The following TRPS1 variants were observed in gnomAD, a reference collection of about 807,000 sequenced individuals.
TRPS1 encodes zinc finger transcription factor Trps1.
TRPS1 carries 6 observed loss-of-function variants against 101.2 expected under a neutral mutation model. The observed-to-expected ratio is 0.06, with a 90% CI of 0.03 to 0.12. TRPS1 has a LOEUF of 0.12. Among genes scored for constraint, TRPS1 ranks in the 10% least tolerant of loss-of-function variants. The pLI is 1.00. For missense variants in TRPS1, 1,363 were observed against 1,567.0 expected (o/e 0.87, Z 2.20); for synonymous variants, 578 against 589.8 (o/e 0.98, Z 0.29).
At chr8:115,478,179 C>T (rs534177791) in intron 5 of TRPS1, among the ~76,000 whole-genome samples, 5 of 152,292 alleles carry the variant, frequency 3.3e-5, no homozygotes, top group South Asian at 2.1e-4. Context: ...AAAGTACTCA[C>T]TAGCCTACAC....
intron 1 of TRPS1, among the ~76,000 whole-genome samples, chr8:115,640,834 T>A (rs1818879048): frequency 6.6e-6 from 1 of 152,206 alleles, no homozygotes; most frequent in African/African-American, 2.4e-5. Context: ...GTTCAAGATG[T>A]AACACTCTCA....
At chr8:115,535,337 GCATATATATAGCATATACATAGCA>G (rs1816281467) in intron 5 of TRPS1, among the ~76,000 whole-genome samples, 4 of 97,512 alleles carry the variant, frequency 4.1e-5, no homozygotes, top group Non-Finnish European at 7.0e-5. Context: ...CATATATAGC[GCATATATATAGCATATACATAGCA>G]CATATATATA....
At chr8:115,472,864 G>A (rs560302271) in intron 5 of TRPS1, among the ~76,000 whole-genome samples, 3 of 152,222 alleles carry the variant, frequency 2.0e-5, no homozygotes, top group African/African-American at 7.2e-5. Flanking sequence ...CTAAAACACA[G>A]CAAGAGTCAC....
intron 3 of TRPS1, among the ~76,000 whole-genome samples, chr8:115,614,794 A>G (rs1055002025): frequency 1.1e-4 from 17 of 152,242 alleles, no homozygotes; most frequent in African/African-American, 4.1e-4. Context: ...TGCCAAGGCA[A>G]AAAATAAATG....
chr8:115,462,731 C>T (rs1203515725), intron 5 of TRPS1, among the ~76,000 whole-genome samples: 1 of 148,966 alleles, frequency 6.7e-6, no homozygotes, highest in Non-Finnish European at 1.5e-5. Flanking sequence ...ATCACTAGGG[C>T]TCTGTATTTT....
chr8:115,501,806 C>G (rs535887186), intron 5 of TRPS1, among the ~76,000 whole-genome samples: 15 of 152,170 alleles, frequency 9.9e-5, no homozygotes, highest in African/African-American at 3.6e-4. Context: ...TCTATGAAAC[C>G]CACCCCTATC....
At chr8:115,436,454 T>C (rs922425717) in intron 5 of TRPS1, among the ~76,000 whole-genome samples, 1 of 152,180 alleles carries the variant, frequency 6.6e-6, no homozygotes, top group Admixed American at 6.5e-5. Flanking sequence ...TTGGGCAAAC[T>C]TGGGTCATGT....
At chr8:115,455,046 G>A (rs1034238978) in intron 5 of TRPS1, among the ~76,000 whole-genome samples, 5 of 152,254 alleles carry the variant, frequency 3.3e-5, no homozygotes, top group South Asian at 2.1e-4. Flanking sequence ...AAGAGTTTGA[G>A]GATTCATTAC....
At chr8:115,517,666 A>G (rs1200091218) in intron 5 of TRPS1, among the ~76,000 whole-genome samples, 2 of 151,774 alleles carry the variant, frequency 1.3e-5, no homozygotes, top group African/African-American at 2.4e-5. Context: ...ATCAAAGAAA[A>G]TAACTTTAAA....
At chr8:115,463,856 A>G (rs1489410618) in intron 5 of TRPS1, among the ~76,000 whole-genome samples, 2 of 151,908 alleles carry the variant, frequency 1.3e-5, no homozygotes, top group Non-Finnish European at 2.9e-5. Flanking sequence ...TATAAAGTAC[A>G]TGTTTTAGAT....
chr8:115,434,981 T>A (rs117579114), intron 5 of TRPS1, among the ~76,000 whole-genome samples: 236 of 152,352 alleles, frequency 1.5e-3, no homozygotes, highest in Non-Finnish European at 2.9e-3. Context: ...TTCATCACTA[T>A]AACACATCGA....
At position 115,619,971 on chromosome 8, in the gene TRPS1, C is replaced by A. The variant is rs2130533969; in HGVS notation, c.127G>T (p.Val43Leu). 1 of 1,614,176 alleles carries A rather than the reference C, an allele frequency of 6.2e-7. No homozygotes were observed. Among genetic ancestry groups the A allele is most frequent in the South Asian group, 1.1e-5 (1 of 91,084 alleles). Residue 43 changes from valine (V) to leucine (L), a missense_variant, in exon 3 of 7, where the codon GTA (valine) becomes TTA (leucine). Physicochemically the swap from Val to Leu is conservative, Grantham distance 32. This residue lies in a region of TRPS1 where 1,020 missense variants were observed against 1,073.0 expected (regional missense o/e 0.95). Transcript: ENST00000395715. Reference protein sequence around the residue: ...ILEPIGTESKVSGKNKEFSAD... With the variant: ...ILEPIGTESKLSGKNKEFSAD... ...GAAAATTCTTTGTTCTTTCCAGATA[C>A]CTTGCTTTCTGTACCTATAGGCTCC...
At chr8:115,426,207 C>A (rs1173063470) in intron 5 of TRPS1, among the ~76,000 whole-genome samples, 1 of 152,096 alleles carries the variant, frequency 6.6e-6, no homozygotes, top group Non-Finnish European at 1.5e-5. Context: ...TACTAAAAGG[C>A]CTTTTGGAGG....
chr8:115,512,058 G>A lies in TRPS1; in HGVS notation c.2700+74943C>T, dbSNP rs548386669. Among the ~76,000 whole-genome samples, 4 of 151,698 alleles carry A rather than the reference G, an allele frequency of 2.6e-5. No individual in the cohort carries two copies. The South Asian group carries it at 6.2e-4, about 24-fold the overall frequency. On this transcript the variant is annotated intron_variant, in intron 5 of 6. Coordinates refer to ENST00000395715, the MANE Select transcript of TRPS1 (RefSeq NM_014112.5). The stretch of plus-strand genomic sequence containing the variant: ...AAATTACCTTCATTCTCAAAAAGTG[G>A]CAAGATTTGTGGCTGTCACTAAGGG...
intron 5 of TRPS1, among the ~76,000 whole-genome samples, chr8:115,467,798 C>G (rs1814362255): frequency 6.6e-6 from 1 of 152,164 alleles, no homozygotes; most frequent in African/African-American, 2.4e-5. Flanking sequence ...TCTAGTACAC[C>G]TCAAACTTCT....
Position 115,433,851 on chromosome 8 carries a change from CG to C in TRPS1, c.2701-15400del, listed in dbSNP as rs1334394946. Among the ~76,000 whole-genome samples, 7 of 152,154 alleles carry C rather than the reference CG, an allele frequency of 4.6e-5. No homozygotes were observed. The South Asian group carries it at 1.5e-3, about 32-fold the overall frequency. ...TTTTACAAGAGGTGGAGGCATTTGC[CG>C]GGGAAAAATCAGACAACTTTGTTTC... On this transcript the variant is annotated intron_variant, in intron 5 of 6. Transcript: ENST00000395715.
intron 5 of TRPS1, among the ~76,000 whole-genome samples, chr8:115,437,243 G>A (rs1813478835): frequency 6.6e-6 from 1 of 152,212 alleles, no homozygotes; most frequent in African/African-American, 2.4e-5. Flanking sequence ...TGAAGAGTCT[G>A]TTTAGAAGAA....
At chr8:115,619,006 T>G (rs1818326877) in intron 3 of TRPS1, 126 bp downstream of exon 3, 1 of 960,400 alleles carries the variant, frequency 1.0e-6, no homozygotes, top group Admixed American at 2.1e-5. Context: ...AGTGTGTCCA[T>G]CTCTTCTGCT....
intron 5 of TRPS1, among the ~76,000 whole-genome samples, chr8:115,422,541 A>G (rs1169566919): frequency 2.0e-5 from 3 of 151,910 alleles, no homozygotes; most frequent in South Asian, 2.1e-4. Flanking sequence ...TAATTCTTGT[A>G]TTTTTAGTGG....
Sources: allele counts gnomAD v4.1 joint callset (sites outside exome capture counted in the v4.1 genomes callset), GRCh38; gene constraint gnomAD v4.1.1; regional missense constraint gnomAD v4.1.1; transcripts MANE v1.5; gene names NCBI Gene and HGNC (gene_info 2026-07-23, HGNC 2026-07-21).